The following OPCML variants were observed in gnomAD, a reference collection of about 807,000 sequenced individuals.
OPCML encodes the protein opioid binding protein/cell adhesion molecule like.
In OPCML, 13 loss-of-function variants were observed where a neutral mutation model predicts 37.8. The observed-to-expected ratio is 0.34, with a 90% confidence interval of 0.22 to 0.55. OPCML has a LOEUF of 0.55. OPCML is among the 20% of genes least tolerant of loss of function. OPCML has a pLI of 0.91. For synonymous variants in OPCML, 176 were observed against 168.8 expected, an observed-to-expected ratio of 1.04 and a Z score of -0.33; for missense variants, 341 against 435.6, an observed-to-expected ratio of 0.78 and a Z score of 1.93.
chr11:132,794,115 C>T (rs886790804), intron 2 of OPCML, among the ~76,000 whole-genome samples: 5 of 152,314 alleles, frequency 3.3e-5, no homozygotes, highest in Admixed American at 6.5e-5. Flanking sequence ...TTTCCAACCG[C>T]GTGCCCTTGT....
intron 1 of OPCML, among the ~76,000 whole-genome samples, chr11:133,394,664 CT>C (rs36046978): frequency 0.26 from 39,301 of 152,052 alleles, 7,169 homozygotes; most frequent in African/African-American, 0.52. Flanking sequence ...AGAAGTCTGT[CT>C]TTCTGCGCCT....
chr11:132,926,957 G>C (rs1258265033), intron 2 of OPCML, among the ~76,000 whole-genome samples: 5 of 151,946 alleles, frequency 3.3e-5, no homozygotes, highest in African/African-American at 1.2e-4. Flanking sequence ...TGAACAAGCA[G>C]AAAAAACAAT....
intron 3 of OPCML, among the ~76,000 whole-genome samples, chr11:132,532,942 G>A (rs1355922348): frequency 1.3e-5 from 2 of 152,156 alleles, no homozygotes; most frequent in Non-Finnish European, 2.9e-5. Flanking sequence ...GGAACACTTG[G>A]GGATAGCTTT....
At chr11:132,462,394 C>A (rs1208118865) in intron 4 of OPCML, among the ~76,000 whole-genome samples, 1 of 152,210 alleles carries the variant, frequency 6.6e-6, no homozygotes, top group Non-Finnish European at 1.5e-5. Flanking sequence ...TACCAACAAC[C>A]TGTGAAATTG....
chr11:132,724,267 G>A (rs1198140136), intron 2 of OPCML, among the ~76,000 whole-genome samples: 3 of 152,294 alleles, frequency 2.0e-5, no homozygotes, highest in East Asian at 1.9e-4. Context: ...ACCTGATCAA[G>A]TTCGTTCAGA....
chr11:132,878,705 GTCTA>G (rs945030862), intron 2 of OPCML, among the ~76,000 whole-genome samples: 1 of 149,720 alleles, frequency 6.7e-6, no homozygotes, highest in African/African-American at 2.4e-5. Flanking sequence ...TATAGAGAGT[GTCTA>G]TCTGTCTATC....
chr11:133,475,363 TCTC>T (rs962732264), intron 1 of OPCML, among the ~76,000 whole-genome samples: 18 of 152,216 alleles, frequency 1.2e-4, no homozygotes, highest in African/African-American at 4.1e-4. Flanking sequence ...ATCACTCATT[TCTC>T]CTCCTCTCTT....
intron 3 of OPCML, among the ~76,000 whole-genome samples, chr11:132,566,164 GA>G (rs773921171): frequency 6.0e-4 from 92 of 152,350 alleles, no homozygotes; most frequent in Non-Finnish European, 9.7e-4. Flanking sequence ...TATAAAGATA[GA>G]ATATTATGAA....
intron 1 of OPCML, among the ~76,000 whole-genome samples, chr11:133,000,364 C>T (rs1412732626): frequency 5.3e-5 from 8 of 152,182 alleles, no homozygotes; most frequent in African/African-American, 1.4e-4. Flanking sequence ...CAGCCTGCCT[C>T]GGCCTCTCAA....
intron 3 of OPCML, among the ~76,000 whole-genome samples, chr11:132,642,613 T>C (rs1361658966): frequency 6.6e-6 from 1 of 152,236 alleles, no homozygotes; most frequent in Non-Finnish European, 1.5e-5. Flanking sequence ...ATAATATTTG[T>C]CATGCAATCT....
intron 2 of OPCML, among the ~76,000 whole-genome samples, chr11:132,853,444 C>T (rs1056487535): frequency 6.6e-5 from 10 of 152,090 alleles, no homozygotes; most frequent in Non-Finnish European, 1.2e-4. Context: ...ATTCAAAATA[C>T]AAGATAGACC....
intron 2 of OPCML, among the ~76,000 whole-genome samples, chr11:132,666,881 T>G (rs544016887): frequency 6.6e-6 from 1 of 152,296 alleles, no homozygotes; most frequent in South Asian, 2.1e-4. Context: ...GCCTGTATTT[T>G]ATGAGAATAG....
chr11:132,527,368 T>G (rs943568965), intron 4 of OPCML, among the ~76,000 whole-genome samples: 1 of 152,210 alleles, frequency 6.6e-6, no homozygotes, highest in African/African-American at 2.4e-5. Context: ...AAAGCTTCAG[T>G]TGATCCACAT....
Position 132,529,115 on chromosome 11 carries a change from G to T in OPCML, c.451C>A (p.Leu151Ile). 1.2e-6 allele frequency: 2 copies of T among 1,613,560 alleles called. No homozygotes were observed. Among genetic ancestry groups the T allele is most frequent in the Non-Finnish European group, 1.7e-6 (2 of 1,179,680 alleles). The change falls in exon 4 of 8, where the codon CTT becomes ATT. Residue 151 changes from leucine (L) to isoleucine (I), a missense_variant. Transcript: ENST00000524381. Reference sequence around the variant, plus strand: ...GTTGGCTCTGGTCTGCCAATAGCAAGACACAGCAGGGTCACACTGCTTCCC... The same window carrying T: ...GTTGGCTCTGGTCTGCCAATAGCAATACACAGCAGGGTCACACTGCTTCCC... ...NEGSSVTLLC[L>I]AIGRPEPTVT...
chr11:133,400,502 T>G (rs1307271322), intron 1 of OPCML, among the ~76,000 whole-genome samples: 5 of 152,236 alleles, frequency 3.3e-5, no homozygotes, highest in Non-Finnish European at 7.3e-5. Context: ...CAGAAATGAT[T>G]TCATTTGTAC....
chr11:132,528,339 C>A (rs10894573), intron 4 of OPCML, among the ~76,000 whole-genome samples: 53,051 of 151,998 alleles, frequency 0.35, 9,504 homozygotes, highest in Middle Eastern at 0.43. Context: ...GCTCTTGTTT[C>A]TTGTATAATT....
intron 2 of OPCML, among the ~76,000 whole-genome samples, chr11:132,687,998 C>T (rs1943238167): frequency 6.6e-6 from 1 of 152,152 alleles, no homozygotes; most frequent in Admixed American, 6.5e-5. Context: ...GCCATTCACA[C>T]AAAGGCACTT....
At chr11:133,109,303 C>T (rs1427940835) in intron 1 of OPCML, among the ~76,000 whole-genome samples, 4 of 152,148 alleles carry the variant, frequency 2.6e-5, no homozygotes, top group African/African-American at 4.8e-5. Context: ...AGCAAAAGAA[C>T]AAGGACTCCA....
chr11:132,680,169 T>C (rs1469226852), intron 2 of OPCML, among the ~76,000 whole-genome samples: 1 of 152,196 alleles, frequency 6.6e-6, no homozygotes, highest in Non-Finnish European at 1.5e-5. Flanking sequence ...ATCAAGCCAT[T>C]GTGCAATGCA....
Sources: gnomAD v4.1 joint callset for allele counts (sites outside exome capture counted in the v4.1 genomes callset) on GRCh38, gnomAD v4.1.1 for gene constraint, MANE v1.5 for transcripts, NCBI Gene and HGNC (gene_info 2026-07-23, HGNC 2026-07-21) for gene names.